The following BAALC variants were observed in gnomAD, a reference collection of about 807,000 sequenced individuals.
BAALC encodes the protein BAALC binder of MAP3K1 and KLF4, also known as brain and acute leukemia cytoplasmic protein.
In BAALC, 9 loss-of-function variants were observed where a neutral mutation model predicts 15.5. The ratio of observed to expected loss-of-function variants is 0.58; its 90% CI spans 0.35 to 1.02. The LOEUF (loss-of-function observed/expected upper bound fraction) is 1.02. Among genes scored for constraint, BAALC ranks in the 50% least tolerant of loss-of-function variants. The pLI is 0.02. For synonymous variants in BAALC, 80 were observed against 74.6 expected (o/e 1.07, Z -0.37); for missense variants, 201 against 192.4 (o/e 1.04, Z -0.27).
intron 1 of BAALC, among the ~76,000 whole-genome samples, chr8:103,152,447 G>A (rs1199883436): frequency 2.0e-5 from 3 of 152,140 alleles, no homozygotes; most frequent in Admixed American, 1.3e-4. Context: ...CCTCCTCAGA[G>A]AGACCAGCCT....
intron 1 of BAALC, among the ~76,000 whole-genome samples, chr8:103,181,389 C>T (rs1398797124): frequency 6.6e-6 from 1 of 152,096 alleles, no homozygotes; most frequent in East Asian, 1.9e-4. Flanking sequence ...TCTCCTGCCT[C>T]GCCTCCTGAG....
intron 1 of BAALC, among the ~76,000 whole-genome samples, chr8:103,147,229 T>A (rs1189065212): frequency 6.6e-6 from 1 of 152,212 alleles, no homozygotes; most frequent in African/African-American, 2.4e-5. Context: ...ATTCCAACCC[T>A]AGCCAAAGAT....
At chr8:103,194,416 C>A in intron 1 of BAALC, among the ~76,000 whole-genome samples, 1 of 152,170 alleles carries the variant, frequency 6.6e-6, no homozygotes, top group East Asian at 1.9e-4. Flanking sequence ...GTGAATTTAT[C>A]ATTTTCTCTC....
intron 1 of BAALC, among the ~76,000 whole-genome samples, chr8:103,155,437 G>T (rs1811070982): frequency 6.6e-6 from 1 of 152,210 alleles, no homozygotes; most frequent in Admixed American, 6.5e-5. Flanking sequence ...ATGCCCTGGG[G>T]AGCTCTGGAG....
chr8:103,183,014 G>C (rs1353236093), intron 1 of BAALC, among the ~76,000 whole-genome samples: 1 of 152,314 alleles, frequency 6.6e-6, no homozygotes, highest in Middle Eastern at 3.4e-3. Flanking sequence ...AGATGACCTT[G>C]ACATATCATG....
intron 1 of BAALC, chr8:103,141,320 C>A: frequency 2.5e-6 from 1 of 404,168 alleles, no homozygotes; most frequent in Non-Finnish European, 4.3e-6. Context: ...AAAGCTTGCT[C>A]GCTGGTCGGG....
chr8:103,218,222 C>A (rs1049935932), intron 2 of BAALC, among the ~76,000 whole-genome samples: 1 of 152,024 alleles, frequency 6.6e-6, no homozygotes, highest in Non-Finnish European at 1.5e-5. Flanking sequence ...CCGCCTTATG[C>A]CTGGTGTTAA....
chr8:103,143,876 C>A (rs550265539), intron 1 of BAALC, among the ~76,000 whole-genome samples: 1 of 152,356 alleles, frequency 6.6e-6, no homozygotes, highest in African/African-American at 2.4e-5. Context: ...CTTTGCAGTA[C>A]TTGCTACTGA....
intron 1 of BAALC, among the ~76,000 whole-genome samples, chr8:103,177,316 C>T (rs1811629713): frequency 6.6e-6 from 1 of 151,952 alleles, no homozygotes; most frequent in African/African-American, 2.4e-5. Flanking sequence ...TCCCAAGTGG[C>T]TGAGACTACT....
At chr8:103,171,080 G>T (rs1811472775) in intron 1 of BAALC, among the ~76,000 whole-genome samples, 1 of 150,006 alleles carries the variant, frequency 6.7e-6, no homozygotes, top group Non-Finnish European at 1.5e-5. Context: ...TGAACACTGA[G>T]AAATCTAATC....
At chr8:103,205,298 G>A (rs1812303149) in intron 1 of BAALC, among the ~76,000 whole-genome samples, 1 of 152,174 alleles carries the variant, frequency 6.6e-6, no homozygotes, top group South Asian at 2.1e-4. Context: ...CCCTGGGGTT[G>A]CAATTTATCA....
Position 103,229,103 on chromosome 8 carries a change from G to A in BAALC, c.*1004G>A, listed in dbSNP as rs1225929392. On this transcript the variant is annotated 3_prime_UTR_variant, in exon 3 of 3. Transcript: ENST00000309982. ...GAATCACTTTAGAAAGCCAGCACCT[G>A]GTTGATGTGTATTCATACTGACATT... is the stretch of plus-strand genomic sequence containing the variant. 3.3e-5 allele frequency: 5 copies of A among 152,186 alleles called. No homozygotes were observed. Among genetic ancestry groups the A allele is most frequent in the African/African-American group, 9.7e-5 (4 of 41,438 alleles). The allele number at this position is 152,186 out of a possible 1,614,324, so 9.4% of individuals were successfully genotyped here.
chr8:103,217,415 C>T (rs187779653), intron 2 of BAALC, among the ~76,000 whole-genome samples: 7 of 152,146 alleles, frequency 4.6e-5, no homozygotes, highest in Admixed American at 3.3e-4. Flanking sequence ...TACTATTTGC[C>T]CAAAGAAAAT....
chr8:103,141,206 A>G (rs967641326), intron 1 of BAALC, 149 bp downstream of exon 1: 2 of 909,556 alleles, frequency 2.2e-6, no homozygotes, highest in Non-Finnish European at 3.0e-6. Context: ...CCCACTGATC[A>G]GTGGACAGAT....
At chr8:103,142,333 C>G (rs960621947) in intron 1 of BAALC, among the ~76,000 whole-genome samples, 10 of 152,224 alleles carry the variant, frequency 6.6e-5, no homozygotes, top group Admixed American at 1.3e-4. Context: ...TCTGTGAAAG[C>G]TGTACAATAC....
rs114327711 is a variant in BAALC, at chr8:103,144,869, A to T, written c.160+3812A>T. Among the ~76,000 whole-genome samples the T allele has an allele frequency of 7.7e-3, 1,179 of 152,304 alleles. 22 individuals carry two copies. The highest frequency in any genetic ancestry group is 0.027 in the African/African-American group (1,134 of 41,566). On this transcript the variant is annotated intron_variant, in intron 1 of 2. Transcript: ENST00000309982. ...ATTACCCATCATTTATTAATGACTT[A>T]CTGGGGCCTGGTGCTTTATTGGGCA...
intron 1 of BAALC, among the ~76,000 whole-genome samples, chr8:103,147,784 C>A (rs2129859923): frequency 6.6e-6 from 1 of 152,326 alleles, no homozygotes; most frequent in Non-Finnish European, 1.5e-5. Flanking sequence ...GCCTCCGCTG[C>A]AAAATCCTAT....
At chr8:103,183,573 G>A in intron 1 of BAALC, 8 of 644,652 alleles carry the variant, frequency 1.2e-5, no homozygotes, top group Non-Finnish European at 2.3e-5. Context: ...AGGCCCAGGT[G>A]TCATGAAGCA....
intron 1 of BAALC, among the ~76,000 whole-genome samples, chr8:103,180,607 A>G (rs759081157): frequency 3.9e-5 from 6 of 152,196 alleles, no homozygotes; most frequent in Non-Finnish European, 8.8e-5. Context: ...AGGGAGAGAG[A>G]AACTGGAAAA....
Sources: allele counts gnomAD v4.1 joint callset (sites outside exome capture counted in the v4.1 genomes callset), GRCh38; gene constraint gnomAD v4.1.1; transcripts MANE v1.5; gene names NCBI Gene and HGNC (gene_info 2026-07-23, HGNC 2026-07-21).